Variants in CMKLR1 observed in about 807,000 individuals in gnomAD.
The protein encoded by CMKLR1 is chemerin chemokine-like receptor 1.
Under a neutral mutation model 8.2 loss-of-function variants are expected in CMKLR1, and 6 were observed. The observed-to-expected ratio is 0.73, with a 90% CI of 0.40 to 1.44. The LOEUF is 1.44. Ranked by LOEUF, CMKLR1 falls within the 40% of genes most tolerant of loss-of-function variation. The probability of loss-of-function intolerance (pLI) is 0.02; values close to 1 mark genes in which losing one functional copy is unlikely to be tolerated. For synonymous variants in CMKLR1, 178 were observed against 181.2 expected (o/e 0.98, Z 0.14); for missense variants, 429 against 478.0 (o/e 0.90, Z 0.96).
At position 108,289,397 on chromosome 12, in the gene CMKLR1, G is replaced by T. The variant is rs2137286561; in HGVS notation, c.*2444C>A. Reference sequence around the variant, plus strand: ...ATGTTAAGGCTGCATTTAAGTACTTGACAGGAACCTAAGTCAGAACAGGAA... The same window carrying T: ...ATGTTAAGGCTGCATTTAAGTACTTTACAGGAACCTAAGTCAGAACAGGAA... On this transcript the variant is annotated 3_prime_UTR_variant, in exon 4 of 4. Transcript: ENST00000550402. The T allele has an allele frequency of 6.6e-6, 1 of 152,444 alleles. No homozygotes were observed. The highest frequency in any genetic ancestry group is 1.9e-4 in the East Asian group (1 of 5,190). The allele number at this position is 152,444 out of a possible 1,614,324, so 9.4% of individuals were successfully genotyped here. A position where few individuals can be genotyped will look rare whatever the true frequency, so the allele number is the denominator to read the frequency against.
At chr12:108,309,741 G>A (rs1891501892) in intron 2 of CMKLR1, among the ~76,000 whole-genome samples, 1 of 152,116 alleles carries the variant, frequency 6.6e-6, no homozygotes, top group East Asian at 1.9e-4. Context: ...ACAGAACAGG[G>A]GTTATCCACA....
At chr12:108,322,324 A>G (rs549064578) in intron 2 of CMKLR1, among the ~76,000 whole-genome samples, 1 of 152,140 alleles carries the variant, frequency 6.6e-6, no homozygotes, top group African/African-American at 2.4e-5. Context: ...CCCCTTTGGG[A>G]TTTTAGGGAG....
At chr12:108,328,582 G>A (rs561922476) in intron 2 of CMKLR1, among the ~76,000 whole-genome samples, 10 of 152,262 alleles carry the variant, frequency 6.6e-5, no homozygotes, top group African/African-American at 1.9e-4. Flanking sequence ...CTATCCACCC[G>A]GTGGCCATCC....
chr12:108,304,777 C>T (rs1250133516), intron 2 of CMKLR1, among the ~76,000 whole-genome samples: 1 of 152,238 alleles, frequency 6.6e-6, no homozygotes, highest in Non-Finnish European at 1.5e-5. Flanking sequence ...CAACATTCCT[C>T]ACCTGTGCGC....
At chr12:108,319,746 T>G (rs1400791397) in intron 2 of CMKLR1, among the ~76,000 whole-genome samples, 2 of 152,210 alleles carry the variant, frequency 1.3e-5, no homozygotes, top group African/African-American at 2.4e-5. Context: ...TTATATGACT[T>G]GGCCTCACAC....
chr12:108,307,457 T>C (rs988381665), intron 2 of CMKLR1, among the ~76,000 whole-genome samples: 4 of 152,158 alleles, frequency 2.6e-5, no homozygotes, highest in African/African-American at 4.8e-5. Flanking sequence ...CTGAGATACC[T>C]GAAAAGTGGC....
chr12:108,332,221 C>T lies in CMKLR1; in HGVS notation c.-286-2014G>A, dbSNP rs974781957. The stretch of plus-strand genomic sequence containing the variant: ...GCCTAAAGAGGTTATATGTATGTGA[C>T]TTGCACATGCTCACAAAAACAATAG... On this transcript the variant is annotated intron_variant, in intron 1 of 3. Transcript: ENST00000550402. Among the ~76,000 whole-genome samples the T allele has an allele frequency of 2.0e-5, 3 of 152,206 alleles. No homozygotes were observed. In the South Asian group the frequency reaches 6.2e-4, roughly 32 times the overall value.
chr12:108,312,281 C>G (rs957080334), intron 2 of CMKLR1, among the ~76,000 whole-genome samples: 1 of 152,206 alleles, frequency 6.6e-6, no homozygotes, highest in Non-Finnish European at 1.5e-5. Flanking sequence ...CATCTATGCC[C>G]TTATCACAGC....
chr12:108,333,757 G>T (rs1892160787), intron 1 of CMKLR1, among the ~76,000 whole-genome samples: 1 of 152,196 alleles, frequency 6.6e-6, no homozygotes, highest in Non-Finnish European at 1.5e-5. Flanking sequence ...TCACCCAGAC[G>T]TCAACATTTC....
chr12:108,308,581 T>C (rs1262796757), intron 2 of CMKLR1, among the ~76,000 whole-genome samples: 2 of 152,154 alleles, frequency 1.3e-5, no homozygotes, highest in Non-Finnish European at 1.5e-5. Context: ...GTGCTCAGCA[T>C]GGGTCCAGGG....
At chr12:108,307,052 G>A (rs1891428341) in intron 2 of CMKLR1, among the ~76,000 whole-genome samples, 1 of 152,188 alleles carries the variant, frequency 6.6e-6, no homozygotes, top group Non-Finnish European at 1.5e-5. Context: ...GAGCTGGCCT[G>A]TAAACAAATT....
chr12:108,311,229 G>A (rs1055670574), intron 2 of CMKLR1, among the ~76,000 whole-genome samples: 4 of 152,206 alleles, frequency 2.6e-5, no homozygotes, highest in Non-Finnish European at 4.4e-5. Flanking sequence ...CAGGACTGGG[G>A]CTCAGATGCC....
chr12:108,293,624 G>A lies in CMKLR1; in HGVS notation c.-33C>T. ...TATGTTGTCTGCAGCTCTCCAATGTGAGTCCTCAGCCAATCAGTCCCTGTA... is the reference window on the plus strand; with the variant it reads ...TATGTTGTCTGCAGCTCTCCAATGTAAGTCCTCAGCCAATCAGTCCCTGTA... On this transcript the variant is annotated 5_prime_UTR_variant, in exon 3 of 4. Coordinates refer to ENST00000550402, the MANE Select transcript of CMKLR1 (RefSeq NM_001142343.2). The A allele has an allele frequency of 6.5e-7, 1 of 1,543,452 alleles. No individual in the cohort carries two copies.
chr12:108,328,124 G>A (rs1432656275), intron 2 of CMKLR1, among the ~76,000 whole-genome samples: 1 of 152,174 alleles, frequency 6.6e-6, no homozygotes, highest in African/African-American at 2.4e-5. Context: ...TAAAAGAAAG[G>A]CCTGTTTAGG....
At chr12:108,296,349 T>C (rs1891134837) in intron 2 of CMKLR1, among the ~76,000 whole-genome samples, 1 of 152,206 alleles carries the variant, frequency 6.6e-6, no homozygotes. Flanking sequence ...TTGGAACAGG[T>C]CCCCTTATGG....
intron 2 of CMKLR1, among the ~76,000 whole-genome samples, chr12:108,324,566 C>T (rs1003950870): frequency 2.6e-5 from 4 of 152,236 alleles, no homozygotes; most frequent in African/African-American, 9.6e-5. Context: ...GACCCAAAGA[C>T]TTCCAAGGGG....
chr12:108,311,283 A>AATGTGTG (rs1891562516), intron 2 of CMKLR1, among the ~76,000 whole-genome samples: 1 of 151,714 alleles, frequency 6.6e-6, no homozygotes, highest in Non-Finnish European at 1.5e-5. Flanking sequence ...GGTTGACATG[A>AATGTGTG]ATGTGTGTAT....
chr12:108,298,915 C>T (rs180789408), intron 2 of CMKLR1, among the ~76,000 whole-genome samples: 57 of 152,334 alleles, frequency 3.7e-4, no homozygotes, highest in Admixed American at 1.4e-3. Context: ...CAGGAGGGCT[C>T]CAGAAGGGAA....
chr12:108,307,553 C>T (rs150240037), intron 2 of CMKLR1, among the ~76,000 whole-genome samples: 13 of 152,318 alleles, frequency 8.5e-5, no homozygotes, highest in African/African-American at 1.2e-4. Flanking sequence ...CAGACTCATC[C>T]GCTCTGGAGC....
Sources: allele counts gnomAD v4.1 joint callset (sites outside exome capture counted in the v4.1 genomes callset), GRCh38; gene constraint gnomAD v4.1.1; transcripts MANE v1.5; gene names NCBI Gene and HGNC (gene_info 2026-07-23, HGNC 2026-07-21).